Variants in IDH1 observed in about 807,000 individuals in gnomAD.
IDH1 encodes the protein isocitrate dehydrogenase [NADP] cytoplasmic.
Under a neutral mutation model 46.1 loss-of-function variants are expected in IDH1, and 33 were observed. That is an observed-to-expected ratio of 0.72 (90% CI 0.54 to 0.96). IDH1 has a LOEUF of 0.96. IDH1 is among the 40% of genes least tolerant of loss of function. The pLI, the probability that IDH1 is intolerant of heterozygous loss-of-function variation, is 0.00. For missense variants in IDH1, 421 were observed against 515.7 expected (o/e 0.82, Z 1.78); for synonymous variants, 144 against 172.8 (o/e 0.83, Z 1.31).
chr2:208,240,147 C>T, intron 7 of IDH1, 144 bp from the exon 8 acceptor site: 1 of 859,552 alleles, frequency 1.2e-6, no homozygotes, highest in Non-Finnish European at 1.9e-6. Context: ...AATAATTCTG[C>T]CTTTCAGAAG....
At chr2:208,239,318 T>A in intron 8 of IDH1, 85 bp from the exon 9 acceptor site, 2 of 1,417,790 alleles carry the variant, frequency 1.4e-6, no homozygotes, top group South Asian at 1.2e-5. Flanking sequence ...CAAAACAGAA[T>A]AGTTTTTTGT....
In IDH1 at chr2:208,239,071, T is replaced by G; in HGVS notation, c.1154A>C (p.Asn385Thr). 1 of 1,613,772 alleles carries G rather than the reference T, an allele frequency of 6.2e-7. No individual in the cohort carries two copies. The highest frequency in any genetic ancestry group is 1.1e-5 in the South Asian group (1 of 91,070). The change falls in exon 9 of 10, where the codon AAT becomes ACT. Residue 385 changes from asparagine to threonine, a missense_variant and splice_region_variant. Coordinates refer to ENST00000345146, the MANE Select transcript of IDH1 (RefSeq NM_005896.4). The stretch of plus-strand genomic sequence containing the variant: ...AGAAACTAGGGCATCTTATACTTAC[T>G]TGGGTAAACCTTTAATGCAAGCAGC... ...DLAACIKGLP[N>T]VQRSDYLNTF...
intron 8 of IDH1, 62 bp downstream of exon 8, chr2:208,239,801 A>T (rs1181163866): frequency 7.2e-6 from 11 of 1,538,172 alleles, no homozygotes; most frequent in Non-Finnish European, 9.0e-6. Context: ...AGCCAAGGGA[A>T]CACATCTGGG....
chr2:208,237,092 T>TG lies in IDH1; in HGVS notation c.1231dup (p.Gln411ProfsTer11). 1 of 1,591,718 alleles carries TG rather than the reference T, an allele frequency of 6.3e-7. No individual in the cohort carries two copies. The highest frequency in any genetic ancestry group is 8.6e-7 in the Non-Finnish European group (1 of 1,160,484). On this transcript the variant is annotated frameshift_variant, in exon 10 of 10. Coordinates refer to ENST00000345146, the MANE Select transcript of IDH1 (RefSeq NM_005896.4). LOFTEE classifies it high-confidence loss of function. ...TCAGGTATGAACTTAAAGTTTGGCC[T>TG]GAGCTAGTTTGATCTTCAAGTTTTC... is the stretch of plus-strand genomic sequence containing the variant.
intron 8 of IDH1, 66 bp downstream of exon 8, chr2:208,239,797 G>A: frequency 3.9e-6 from 6 of 1,532,352 alleles, no homozygotes; most frequent in Non-Finnish European, 5.4e-6. Context: ...GAGCAGCCAA[G>A]GGAACACATC....
intron 3 of IDH1, 105 bp from the exon 4 acceptor site, chr2:208,248,765 T>C: frequency 9.2e-7 from 1 of 1,086,520 alleles, no homozygotes; most frequent in Non-Finnish European, 1.4e-6. Context: ...AAGCGAAGGC[T>C]CTGAGTACAC....
intron 4 of IDH1, among the ~76,000 whole-genome samples, chr2:208,246,715 C>T (rs139925909): frequency 2.4e-3 from 359 of 149,248 alleles, no homozygotes; most frequent in Non-Finnish European, 4.5e-3. Context: ...GAGGCGGAGG[C>T]GGGCGGATCA....
intron 9 of IDH1, among the ~76,000 whole-genome samples, chr2:208,238,730 T>C (rs1687863312): frequency 6.6e-6 from 1 of 152,218 alleles, no homozygotes; most frequent in Non-Finnish European, 1.5e-5. Flanking sequence ...ATCAACTAGA[T>C]GGGATGTCAG....
At chr2:208,240,318 T>G in intron 7 of IDH1, 1 of 347,794 alleles carries the variant, frequency 2.9e-6, no homozygotes, top group Non-Finnish European at 5.6e-6. Flanking sequence ...GGCTCAGTTT[T>G]CTTATCTGTA....
At chr2:208,251,841 A>G (rs1468429584) in intron 2 of IDH1, among the ~76,000 whole-genome samples, 4 of 151,602 alleles carry the variant, frequency 2.6e-5, no homozygotes, top group African/African-American at 9.7e-5. Flanking sequence ...TCATTTCCCC[A>G]TTTTACTTTG....
intron 4 of IDH1, chr2:208,247,730 C>G (rs1188028449): frequency 6.5e-6 from 1 of 152,930 alleles, no homozygotes; most frequent in African/African-American, 2.4e-5. Flanking sequence ...TCTCAAACTC[C>G]TGGCCTCAAG....
intron 9 of IDH1, among the ~76,000 whole-genome samples, chr2:208,238,080 G>T (rs1468961773): frequency 6.8e-6 from 1 of 147,466 alleles, no homozygotes; most frequent in Non-Finnish European, 1.5e-5. Context: ...CTGTCACGCA[G>T]GCTGGAGTGC....
rs369234651 is a variant in IDH1 at position 208,239,106 on chromosome 2, G to A, written c.1119C>T (p.Thr373=). The A allele has an allele frequency of 6.2e-7, 1 of 1,613,850 alleles. No homozygotes were observed. The highest frequency in any genetic ancestry group is 8.5e-7 in the Non-Finnish European group (1 of 1,179,892). ...SIETIEAGFM[T]KDLAACIKGL... is the part of the protein sequence containing the mutation. Reference sequence around the variant, plus strand: ...CTTTAATGCAAGCAGCCAAGTCCTTGGTCATGAAGCCAGCCTCAATTGTCT... The same window carrying A: ...CTTTAATGCAAGCAGCCAAGTCCTTAGTCATGAAGCCAGCCTCAATTGTCT... Residue 373 remains threonine (T), a synonymous_variant, in exon 9 of 10, where the codon ACC becomes ACT. Coordinates refer to ENST00000345146, the MANE Select transcript of IDH1 (RefSeq NM_005896.4).
intron 9 of IDH1, among the ~76,000 whole-genome samples, 172 bp downstream of exon 9, chr2:208,238,899 A>AT (rs1687866024): frequency 6.6e-6 from 1 of 152,242 alleles, no homozygotes; most frequent in South Asian, 2.1e-4. Flanking sequence ...CAAAAAGACT[A>AT]TATGTTCCAC....
intron 5 of IDH1, 142 bp from the exon 6 acceptor site, chr2:208,243,746 C>G (rs1039688381): frequency 2.7e-6 from 2 of 735,234 alleles, no homozygotes; most frequent in South Asian, 3.1e-5. Flanking sequence ...AAGTCCCAGA[C>G]AGGTTTCCAA....
intron 4 of IDH1, among the ~76,000 whole-genome samples, chr2:208,246,510 T>C (rs961207955): frequency 2.0e-5 from 3 of 151,982 alleles, no homozygotes; most frequent in East Asian, 1.9e-4. Context: ...CAAAGCACCA[T>C]AAATGCTTTG....
In IDH1 at chr2:208,250,851, G is replaced by A. The variant is rs370095740; in HGVS notation, c.122+579C>T. On this transcript the variant is annotated intron_variant, in intron 3 of 9. Transcript: ENST00000345146. ...AAGGTGAGGCATGAAAAGGAAACAG[G>A]TCCATTGACTAAGTAAAGTGATAGA... Among the ~76,000 whole-genome samples, 3 of 152,272 alleles carry A rather than the reference G, an allele frequency of 2.0e-5. No individual in the cohort carries two copies. The East Asian group carries it at 5.8e-4, about 29-fold the overall frequency.
intron 1 of IDH1, chr2:208,254,518 CCCGT>C (rs1688179829): frequency 6.6e-6 from 1 of 152,336 alleles, no homozygotes; most frequent in African/African-American, 2.4e-5. Flanking sequence ...CCTGCAGACG[CCCGT>C]CTGCGGCTTA....
intron 5 of IDH1, 151 bp downstream of exon 5, chr2:208,245,168 C>T: frequency 3.3e-6 from 2 of 612,044 alleles, no homozygotes; most frequent in South Asian, 4.0e-5. Context: ...AAGCAAATTA[C>T]TTCTTTATGT....
Sources: allele counts gnomAD v4.1 joint callset (sites outside exome capture counted in the v4.1 genomes callset), GRCh38; gene constraint gnomAD v4.1.1; transcripts MANE v1.5; gene names NCBI Gene and HGNC (gene_info 2026-07-23, HGNC 2026-07-21).